Variants in CAMTA1 observed in about 807,000 individuals in gnomAD.
CAMTA1 encodes calmodulin-binding transcription activator 1.
In CAMTA1, 27 loss-of-function variants were observed where a neutral mutation model predicts 170.9. The ratio of observed to expected loss-of-function variants is 0.16; its 90% CI spans 0.12 to 0.22. CAMTA1 has a LOEUF of 0.22. Among genes scored for constraint, CAMTA1 ranks in the 10% least tolerant of loss-of-function variants. The pLI, the probability that CAMTA1 is intolerant of heterozygous loss-of-function variation, is 1.00. For synonymous variants in CAMTA1, 833 were observed against 891.5 expected (o/e 0.93, Z 1.17); for missense variants, 1,619 against 2,217.2 (o/e 0.73, Z 5.42).
At chr1:7,499,825 C>CGT in intron 6 of CAMTA1, among the ~76,000 whole-genome samples, 2 of 109,508 alleles carry the variant, frequency 1.8e-5, no homozygotes, top group African/African-American at 7.3e-5. Flanking sequence ...GGTGTGCATG[C>CGT]ATATGTATGT....
intron 1 of CAMTA1, among the ~76,000 whole-genome samples, chr1:6,785,806 G>C (rs1171735793): frequency 7.1e-6 from 1 of 140,470 alleles, no homozygotes; most frequent in East Asian, 2.2e-4. Flanking sequence ...CCCCACCCCC[G>C]GGGGCGGGCT....
chr1:6,851,392 G>A (rs1324366885), intron 3 of CAMTA1, among the ~76,000 whole-genome samples: 1 of 152,182 alleles, frequency 6.6e-6, no homozygotes, highest in Non-Finnish European at 1.5e-5. Context: ...ATACATTATA[G>A]AGTGAGTCTT....
chr1:7,601,100 C>T (rs2095437175), intron 6 of CAMTA1, among the ~76,000 whole-genome samples: 1 of 150,312 alleles, frequency 6.7e-6, no homozygotes, highest in South Asian at 2.1e-4. Flanking sequence ...GGGCGGCTGG[C>T]CGGGCCGGGG....
rs1350347993 is a variant in CAMTA1 at position 7,705,484 on chromosome 1, G to A, written c.2915-26964G>A. Among the ~76,000 whole-genome samples, 7 of 150,892 alleles carry A rather than the reference G, an allele frequency of 4.6e-5. No individual in the cohort carries two copies. In the East Asian group the frequency reaches 1.4e-3, roughly 30 times the overall value. ...GAGGACGCGCGCGTGTGTCTGTGTC[G>A]GAGCGAGGGCGGGGACGAGCGTGTC... On this transcript the variant is annotated intron_variant, in intron 11 of 22. Coordinates refer to ENST00000303635, the MANE Select transcript of CAMTA1 (RefSeq NM_015215.4).
At chr1:7,505,888 G>A (rs1575689550) in intron 6 of CAMTA1, among the ~76,000 whole-genome samples, 1 of 152,132 alleles carries the variant, frequency 6.6e-6, no homozygotes, top group South Asian at 2.1e-4. Context: ...ACCTGTGGGC[G>A]CTTCACCTGC....
chr1:7,647,154 AC>A (rs1331700685), intron 7 of CAMTA1, among the ~76,000 whole-genome samples: 1 of 149,912 alleles, frequency 6.7e-6, no homozygotes, highest in Non-Finnish European at 1.5e-5. Flanking sequence ...GGATCCCCAG[AC>A]CCCCAGCCTC....
At position 7,459,593 on chromosome 1, in the gene CAMTA1, G is replaced by A. The variant is rs146038015; in HGVS notation, c.439-8237G>A. On this transcript the variant is annotated intron_variant, in intron 5 of 22. Transcript: ENST00000303635. ...TGTGAGCCCCACAGCCCTGCCCTTG[G>A]ACATCAGCGTAGCACACTCAGGCCC... Among the ~76,000 whole-genome samples, 237 of 152,296 alleles carry A rather than the reference G, an allele frequency of 1.6e-3. 4 individuals are homozygous for A. In the East Asian group the frequency reaches 0.032, roughly 21 times the overall value.
rs756823501 is a variant in CAMTA1 at position 6,820,207 on chromosome 1, A to G, written c.72A>G (p.Gly24=). 57 of 1,610,736 alleles carry G rather than the reference A, an allele frequency of 3.5e-5. No homozygotes were observed. The highest frequency in any genetic ancestry group is 4.7e-5 in the Non-Finnish European group (55 of 1,176,952). Residue 24 remains glycine (G), a synonymous_variant, in exon 2 of 23, where the codon GGA becomes GGG. Transcript: ENST00000303635. ...GCGTTTCCCAAAGTGTATTCTGCGG[A>G]ACTAGCACCTACTGTGTTCTCAACA... ...RKSVSQSVFC[G]TSTYCVLNTV... is the part of the protein sequence containing the mutation.
At chr1:7,152,493 G>A (rs1026074863) in intron 4 of CAMTA1, among the ~76,000 whole-genome samples, 10 of 152,174 alleles carry the variant, frequency 6.6e-5, no homozygotes, top group African/African-American at 2.2e-4. Context: ...TTGGGATTTT[G>A]GGGGCCATTC....
chr1:7,230,445 G>GCC (rs1553279860), intron 4 of CAMTA1, among the ~76,000 whole-genome samples: 12 of 47,940 alleles, frequency 2.5e-4, no homozygotes, highest in Admixed American at 1.2e-3. Flanking sequence ...CCCCCCCCCC[G>GCC]CCCCGCAAAG....
At position 7,234,737 on chromosome 1, in the gene CAMTA1, T is replaced by A. The variant is rs934496390; in HGVS notation, c.303-14754T>A. ...CAGGGACCTCCAGAGACAATTTATG[T>A]GAACAAACTGTGGCTTAACGATCTT... On this transcript the variant is annotated intron_variant, in intron 4 of 22. Coordinates refer to ENST00000303635, the MANE Select transcript of CAMTA1 (RefSeq NM_015215.4). This position sits in a 1 kb window ranked among gnomAD's most constrained non-coding sequence, Gnocchi z 5.0. Among the ~76,000 whole-genome samples, 1 of 151,824 alleles carries A rather than the reference T, an allele frequency of 6.6e-6. No individual in the cohort carries two copies. The highest frequency in any genetic ancestry group is 1.5e-5 in the Non-Finnish European group (1 of 67,986).
At chr1:7,727,374 G>A (rs574629454) in intron 11 of CAMTA1, among the ~76,000 whole-genome samples, 3 of 152,214 alleles carry the variant, frequency 2.0e-5, no homozygotes, top group South Asian at 2.1e-4. Flanking sequence ...CACCTGCCTC[G>A]GTCTCCCAAA....
intron 5 of CAMTA1, among the ~76,000 whole-genome samples, chr1:7,393,795 A>G (rs185726791): frequency 1.3e-5 from 2 of 152,292 alleles, no homozygotes; most frequent in African/African-American, 2.4e-5. Context: ...ATCAAACACT[A>G]GAAATTATTC....
chr1:7,010,598 A>G lies in CAMTA1; in HGVS notation c.235-80706A>G, dbSNP rs950480900. 1.3e-5 allele frequency among the ~76,000 whole-genome samples: 2 copies of G among 152,126 alleles called. No homozygotes were observed. The highest frequency in any genetic ancestry group is 2.1e-4 in the South Asian group (1 of 4,828). ...TGGGTGACGTTTCATTATCCATAAC[A>G]TAGAGAAGATACTGAGAGTCCATGA... On this transcript the variant is annotated intron_variant, in intron 3 of 22. Transcript: ENST00000303635. This position sits in a 1 kb window ranked among gnomAD's most constrained non-coding sequence, Gnocchi z 4.4.
At chr1:7,536,673 C>T (rs969732225) in intron 6 of CAMTA1, among the ~76,000 whole-genome samples, 1 of 152,178 alleles carries the variant, frequency 6.6e-6, no homozygotes, top group African/African-American at 2.4e-5. Context: ...TGAAGGGCTG[C>T]CTCCATGGTG....
intron 3 of CAMTA1, among the ~76,000 whole-genome samples, chr1:6,957,082 T>G (rs1557883695): frequency 2.0e-5 from 3 of 152,214 alleles, no homozygotes. Flanking sequence ...GGCTGGGACC[T>G]AAGAAACCAT....
Position 7,671,040 on chromosome 1 carries a change from G to A in CAMTA1, c.2779+3G>A, listed in dbSNP as rs367601976. On this transcript the variant is annotated splice_donor_region_variant and intron_variant, in intron 10 of 22. Transcript: ENST00000303635. The stretch of plus-strand genomic sequence containing the variant: ...GGTGCTGCGCTGCTACTGCCCAGGT[G>A]AGAAAGCCGCCCCCCAGGCCCCCAA... The A allele has an allele frequency of 2.3e-5, 37 of 1,613,026 alleles. No homozygotes were observed. Among genetic ancestry groups the A allele is most frequent in the South Asian group, 4.4e-5 (4 of 91,076 alleles).
chr1:7,390,098 C>T (rs1053147381), intron 5 of CAMTA1, among the ~76,000 whole-genome samples: 16 of 152,190 alleles, frequency 1.1e-4, no homozygotes, highest in Admixed American at 9.2e-4. Flanking sequence ...GCCAAGAGCC[C>T]GGGCGACGGC....
chr1:6,818,135 G>A (rs553452550), intron 1 of CAMTA1, among the ~76,000 whole-genome samples: 1 of 152,076 alleles, frequency 6.6e-6, no homozygotes, highest in African/African-American at 2.4e-5. Flanking sequence ...TCAGGAGTTC[G>A]AGACCAGCCT....
Sources: gnomAD v4.1 joint callset for allele counts (sites outside exome capture counted in the v4.1 genomes callset) on GRCh38, gnomAD v4.1.1 for gene constraint, Gnocchi (gnomAD v3.1) non-coding constraint, MANE v1.5 for transcripts, NCBI Gene and HGNC (gene_info 2026-07-23, HGNC 2026-07-21) for gene names.